Variants in SPHKAP observed in about 807,000 individuals in gnomAD.
The protein encoded by SPHKAP is SPHK1 interactor, AKAP domain containing.
In SPHKAP, 67 loss-of-function variants were observed where a neutral mutation model predicts 137.5. The ratio of observed to expected loss-of-function variants is 0.49; its 90% CI spans 0.40 to 0.60. The LOEUF is 0.60. SPHKAP is among the 20% of genes least tolerant of loss of function. The pLI, the probability that SPHKAP is intolerant of heterozygous loss-of-function variation, is 0.00. For missense variants in SPHKAP, 2,097 were observed against 2,069.3 expected (o/e 1.01, Z -0.26); for synonymous variants, 813 against 785.3 (o/e 1.04, Z -0.59).
At chr2:228,050,673 T>C (rs1265776013) in intron 3 of SPHKAP, among the ~76,000 whole-genome samples, 2 of 152,196 alleles carry the variant, frequency 1.3e-5, no homozygotes, top group Non-Finnish European at 2.9e-5. Context: ...GATTTTGAAG[T>C]GTAGAATTGA....
At chr2:228,082,043 G>A (rs756404861) in intron 3 of SPHKAP, among the ~76,000 whole-genome samples, 34 of 152,010 alleles carry the variant, frequency 2.2e-4, no homozygotes, top group African/African-American at 3.6e-4. Context: ...AAAACAGCAC[G>A]TTGTACATGA....
At chr2:228,027,602 A>C (rs1695094407) in intron 3 of SPHKAP, 59 bp from the exon 4 acceptor site, 2 of 1,549,562 alleles carry the variant, frequency 1.3e-6, no homozygotes, top group African/African-American at 2.7e-5. Flanking sequence ...TCTTTTTAGA[A>C]GAAAGAAAGC....
chr2:228,020,783 A>C (rs145530482), intron 6 of SPHKAP, among the ~76,000 whole-genome samples: 361 of 152,306 alleles, frequency 2.4e-3, no homozygotes, highest in Non-Finnish European at 4.0e-3. Context: ...TAACAGTTTG[A>C]ATGGTTTTCC....
At chr2:228,040,849 A>G (rs1262295760) in intron 3 of SPHKAP, among the ~76,000 whole-genome samples, 1 of 152,170 alleles carries the variant, frequency 6.6e-6, no homozygotes, top group Non-Finnish European at 1.5e-5. Flanking sequence ...CTTATATGTA[A>G]TGTCTGATGT....
chr2:228,180,441 C>A (rs1700872543), intron 1 of SPHKAP, among the ~76,000 whole-genome samples: 1 of 152,006 alleles, frequency 6.6e-6, no homozygotes, highest in Non-Finnish European at 1.5e-5. Flanking sequence ...TCCATGTGTG[C>A]CCTGGCCAGT....
chr2:228,024,361 T>A (rs11414538), intron 5 of SPHKAP, among the ~76,000 whole-genome samples: 46,081 of 145,034 alleles, frequency 0.32, 7,397 homozygotes, highest in South Asian at 0.48. Flanking sequence ...TTTTTTTTTT[T>A]AAATCTGTGA....
At chr2:228,089,819 G>A (rs963034483) in intron 3 of SPHKAP, among the ~76,000 whole-genome samples, 3 of 152,202 alleles carry the variant, frequency 2.0e-5, no homozygotes, top group African/African-American at 4.8e-5. Flanking sequence ...TCCATGTTGT[G>A]TTAAGTCTGC....
At chr2:228,101,547 A>T (rs1698182319) in intron 3 of SPHKAP, among the ~76,000 whole-genome samples, 1 of 152,226 alleles carries the variant, frequency 6.6e-6, no homozygotes, top group African/African-American at 2.4e-5. Context: ...TTGAATACTT[A>T]TCTGATGCTC....
chr2:228,008,979 C>A (rs985252131), intron 7 of SPHKAP, among the ~76,000 whole-genome samples: 1 of 152,104 alleles, frequency 6.6e-6, no homozygotes, highest in Non-Finnish European at 1.5e-5. Context: ...TCCATACAAA[C>A]TTTGGAATTA....
At chr2:228,011,923 T>G (rs1370761077) in intron 7 of SPHKAP, among the ~76,000 whole-genome samples, 1 of 152,078 alleles carries the variant, frequency 6.6e-6, no homozygotes, top group Non-Finnish European at 1.5e-5. Context: ...ACCAGCACTT[T>G]GGGAGGCTGA....
intron 3 of SPHKAP, among the ~76,000 whole-genome samples, chr2:228,063,044 G>C (rs1696704998): frequency 6.6e-6 from 1 of 152,130 alleles, no homozygotes; most frequent in African/African-American, 2.4e-5. Context: ...TTCTAGGTGA[G>C]AATACTGTTG....
At chr2:228,113,001 G>A (rs1043930410) in intron 2 of SPHKAP, among the ~76,000 whole-genome samples, 1 of 152,106 alleles carries the variant, frequency 6.6e-6, no homozygotes, top group Non-Finnish European at 1.5e-5. Flanking sequence ...AACGGAAGCA[G>A]CAGAATAAGG....
intron 3 of SPHKAP, among the ~76,000 whole-genome samples, chr2:228,046,787 A>C (rs1257754811): frequency 6.6e-6 from 1 of 152,164 alleles, no homozygotes; most frequent in Non-Finnish European, 1.5e-5. Flanking sequence ...AGGATATGTG[A>C]ACCCTCTATT....
At chr2:228,039,914 C>T (rs7593227) in intron 3 of SPHKAP, among the ~76,000 whole-genome samples, 58,197 of 151,930 alleles carry the variant, frequency 0.38, 11,600 homozygotes, top group South Asian at 0.51. Context: ...TGAAATGCAA[C>T]CATCAAGAAA....
At chr2:228,179,028 T>C (rs548933579) in intron 1 of SPHKAP, among the ~76,000 whole-genome samples, 228 of 152,250 alleles carry the variant, frequency 1.5e-3, no homozygotes, top group African/African-American at 4.9e-3. Context: ...GATTGAAATT[T>C]CAGTAATTTA....
intron 3 of SPHKAP, among the ~76,000 whole-genome samples, chr2:228,064,442 T>C (rs1696760036): frequency 6.6e-6 from 1 of 152,252 alleles, no homozygotes; most frequent in South Asian, 2.1e-4. Context: ...GAGTCCATAA[T>C]TTTAAATATT....
chr2:228,068,151 C>T (rs1390974979), intron 3 of SPHKAP, among the ~76,000 whole-genome samples: 4 of 151,756 alleles, frequency 2.6e-5, no homozygotes, highest in South Asian at 2.1e-4. Flanking sequence ...AATTAAATAC[C>T]GAGGAATAAA....
intron 1 of SPHKAP, among the ~76,000 whole-genome samples, chr2:228,171,768 GTCTT>G (rs1700592155): frequency 6.6e-6 from 1 of 152,108 alleles, no homozygotes; most frequent in Non-Finnish European, 1.5e-5. Flanking sequence ...CAGGAACTGG[GTCTT>G]TCTTACTCCA....
Position 228,017,580 on chromosome 2 carries a change from C to T in SPHKAP, c.3274G>A (p.Glu1092Lys), listed in dbSNP as rs776311963. The part of the protein sequence containing the change: ...SCESIPEEDS[E>K]ARAYVNSLGL... ...AGGCTGTTGACATAGGCCCTGGCCT[C>T]GGAGTCTTCCTCAGGAATGCTTTCG... is the stretch of plus-strand genomic sequence containing the variant. Residue 1092 changes from glutamate (E) to lysine (K), a missense_variant, in exon 7 of 12, where the codon GAG becomes AAG. By Grantham distance (56) the Glu-to-Lys change is moderately conservative. Coordinates refer to ENST00000392056, the MANE Select transcript of SPHKAP (RefSeq NM_001142644.2). 24 of 1,613,728 alleles carry T rather than the reference C, an allele frequency of 1.5e-5. No homozygotes were observed. Among genetic ancestry groups the T allele is most frequent in the African/African-American group, 4.0e-5 (3 of 74,940 alleles).
Sources: gnomAD v4.1 joint callset for allele counts (sites outside exome capture counted in the v4.1 genomes callset) on GRCh38, gnomAD v4.1.1 for gene constraint, MANE v1.5 for transcripts, NCBI Gene and HGNC (gene_info 2026-07-23, HGNC 2026-07-21) for gene names.